The following KDM5A variants were observed in gnomAD, a reference collection of about 807,000 sequenced individuals.
The protein encoded by KDM5A is lysine demethylase 5A, also known as lysine-specific demethylase 5A.
KDM5A carries 42 observed loss-of-function variants against 193.5 expected under a neutral mutation model. That is an observed-to-expected ratio of 0.22 (90% CI 0.17 to 0.28). The LOEUF is 0.28. KDM5A is among the 10% of genes least tolerant of loss of function. KDM5A has a pLI of 1.00. For missense variants in KDM5A, 1,692 were observed against 2,055.1 expected (o/e 0.82, Z 3.42); for synonymous variants, 796 against 718.1 (o/e 1.11, Z -1.73).
intron 24 of KDM5A, among the ~76,000 whole-genome samples, chr12:299,203 C>T (rs1255925916): frequency 6.6e-6 from 1 of 152,092 alleles, no homozygotes; most frequent in Non-Finnish European, 1.5e-5. Flanking sequence ...GAGAACACCA[C>T]AAAGATACTC....
chr12:330,085 G>GTGTGTGTGTGTGTGTGTGTATATA (rs377271333), intron 13 of KDM5A, among the ~76,000 whole-genome samples: 379 of 139,334 alleles, frequency 2.7e-3, no homozygotes, highest in African/African-American at 3.7e-3. Context: ...GTGTGTGTGT[G>GTGTGTGTGTGTGTGTGTGTATATA]TATATATATA....
intron 20 of KDM5A, among the ~76,000 whole-genome samples, chr12:312,665 G>A (rs944238911): frequency 2.0e-5 from 3 of 152,106 alleles, no homozygotes; most frequent in Non-Finnish European, 4.4e-5. Flanking sequence ...ATGTCCCGTC[G>A]TAAGGTGAAA....
At chr12:359,152 A>G (rs1382102787) in intron 5 of KDM5A, among the ~76,000 whole-genome samples, 2 of 152,218 alleles carry the variant, frequency 1.3e-5, no homozygotes, top group Admixed American at 6.5e-5. Flanking sequence ...AAGATAAACC[A>G]AAAGAACTGT....
intron 20 of KDM5A, 97 bp from the exon 21 acceptor site, chr12:311,161 T>C: frequency 1.0e-6 from 1 of 977,398 alleles, no homozygotes; most frequent in Non-Finnish European, 1.6e-6. Context: ...TTAGTTCTTT[T>C]ATTAAATATT....
At chr12:356,386 T>C (rs752660732) in intron 6 of KDM5A, 46 bp downstream of exon 6, 2 of 1,171,204 alleles carry the variant, frequency 1.7e-6, no homozygotes, top group Non-Finnish European at 2.6e-6. Context: ...TTTTTTACAA[T>C]CATATTCTAC....
chr12:291,171 AAACAGTCTGACAATG>A (rs1943288895), intron 27 of KDM5A, among the ~76,000 whole-genome samples: 1 of 152,352 alleles, frequency 6.6e-6, no homozygotes, highest in East Asian at 1.9e-4. Context: ...GCAAGTCAGT[AAACAGTCTGACAATG>A]ATATAAAACA....
At chr12:341,264 T>C (rs557411043) in intron 10 of KDM5A, among the ~76,000 whole-genome samples, 15 of 152,342 alleles carry the variant, frequency 9.8e-5, no homozygotes, top group South Asian at 6.2e-4. Context: ...CATTTCTTTA[T>C]AGATACTTAT....
At chr12:370,383 ACT>A (rs1292128638) in intron 3 of KDM5A, among the ~76,000 whole-genome samples, 3 of 152,162 alleles carry the variant, frequency 2.0e-5, no homozygotes. Flanking sequence ...ACACAGCGAG[ACT>A]CTGTCTCAAA....
intron 5 of KDM5A, 78 bp downstream of exon 5, chr12:362,885 G>A (rs1359569477): frequency 1.5e-6 from 2 of 1,340,754 alleles, no homozygotes; most frequent in African/African-American, 2.9e-5. Context: ...TTGAGCCAAG[G>A]AGTTCAAGGC....
Position 285,090 on chromosome 12 carries a change from C to T in KDM5A, c.*366G>A. On this transcript the variant is annotated 3_prime_UTR_variant, in exon 28 of 28. Transcript: ENST00000399788. ...GTTGGTGCTGCTCCTAAGTTGTAAG[C>T]CTCTAACTACTATCAGCTGGACAAA... 1 of 335,478 alleles carries T rather than the reference C, an allele frequency of 3.0e-6. No individual in the cohort carries two copies. Among genetic ancestry groups the T allele is most frequent in the Admixed American group, 4.4e-5 (1 of 22,868 alleles). 20.8% of individuals were successfully genotyped at this position (335,478 alleles called of 1,614,324 possible).
intron 26 of KDM5A, among the ~76,000 whole-genome samples, chr12:293,549 C>T (rs527529390): frequency 2.0e-4 from 30 of 152,162 alleles, no homozygotes; most frequent in Non-Finnish European, 1.8e-4. Context: ...GAGGCCGAGG[C>T]GGGTGGATCA....
intron 27 of KDM5A, 60 bp from the exon 28 acceptor site, chr12:285,722 G>T: frequency 6.8e-7 from 1 of 1,462,860 alleles, no homozygotes. Flanking sequence ...TAGAATAAAA[G>T]CAAACCAAAG....
chr12:282,895 T>C lies in KDM5A; in HGVS notation c.*2561A>G, dbSNP rs903158709. On this transcript the variant is annotated 3_prime_UTR_variant, in exon 28 of 28. Coordinates refer to ENST00000399788, the MANE Select transcript of KDM5A (RefSeq NM_001042603.3). ...TTTCATTAATTCCAAAACCGCAGAT[T>C]TGTGTATTTTTTGTTTTGCCATTAA... 3 of 232,364 alleles carry C rather than the reference T, an allele frequency of 1.3e-5. No homozygotes were observed. The highest frequency in any genetic ancestry group is 2.6e-5 in the Non-Finnish European group (3 of 117,576). The allele number at this position is 232,364 out of a possible 1,614,324, so 14.4% of individuals were successfully genotyped here.
chr12:352,386 T>C (rs1944174145), intron 8 of KDM5A, 62 bp from the exon 9 acceptor site: 9 of 1,438,522 alleles, frequency 6.3e-6, no homozygotes, highest in Non-Finnish European at 7.8e-6. Context: ...GCTTTAAGGC[T>C]CTTAGTTACT....
chr12:297,308 T>A lies in KDM5A; in HGVS notation c.4075-108A>T, dbSNP rs1052014652. The A allele has an allele frequency of 3.4e-6, 3 of 881,962 alleles. No homozygotes were observed. The African/African-American group carries it at 5.1e-5, about 15-fold the overall frequency. 54.6% of individuals were successfully genotyped at this position (881,962 alleles called of 1,614,324 possible). ...GTTAAAGCTTCTAATATACTAAAAA[T>A]ATGAGATTAAAATTAAATATCTGAT... On this transcript the variant is annotated intron_variant, in intron 24 of 27. Coordinates refer to ENST00000399788, the MANE Select transcript of KDM5A (RefSeq NM_001042603.3).
intron 4 of KDM5A, among the ~76,000 whole-genome samples, chr12:365,344 G>A (rs555372438): frequency 7.9e-5 from 12 of 152,288 alleles, no homozygotes; most frequent in South Asian, 2.1e-4. Flanking sequence ...ATTAGCCACC[G>A]CATCCAGCCA....
At chr12:388,218 ATC>A in intron 1 of KDM5A, 1 of 452,286 alleles carries the variant, frequency 2.2e-6, no homozygotes, top group Non-Finnish European at 4.4e-6. Context: ...AAGGGATAGT[ATC>A]TGTTTTCCTT....
rs749600379 is a variant in KDM5A at position 356,467 on chromosome 12, A to C, written c.743T>G (p.Val248Gly). 6.2e-7 allele frequency: 1 copy of C among 1,612,810 alleles called. No individual in the cohort carries two copies. The highest frequency in any genetic ancestry group is 8.5e-7 in the Non-Finnish European group (1 of 1,178,864). The change falls in exon 6 of 28, where the codon GTT becomes GGT. Residue 248 changes from valine (V) to glycine (G), a missense_variant. Physicochemically the swap from Val to Gly is moderately radical, Grantham distance 109. Coordinates refer to ENST00000399788, the MANE Select transcript of KDM5A (RefSeq NM_001042603.3). ...TTTTGTTCCCATTGCCAAGCCCACA[A>C]CCTTGGGCCCAGCCCCAAAAATCTG... Reference protein sequence around the residue: ...KLQIFGAGPKVVGLAMGTKDK... With the variant: ...KLQIFGAGPKGVGLAMGTKDK...
chr12:367,880 A>G (rs1251858870), intron 3 of KDM5A, among the ~76,000 whole-genome samples: 1 of 151,970 alleles, frequency 6.6e-6, no homozygotes, highest in Non-Finnish European at 1.5e-5. Flanking sequence ...AAAAAAAAAA[A>G]GTTAAAAGTT....
Sources: gnomAD v4.1 joint callset for allele counts (sites outside exome capture counted in the v4.1 genomes callset) on GRCh38, gnomAD v4.1.1 for gene constraint, MANE v1.5 for transcripts, NCBI Gene and HGNC (gene_info 2026-07-23, HGNC 2026-07-21) for gene names.